The following PHACTR2 variants were observed in gnomAD, a reference collection of about 807,000 sequenced individuals.
PHACTR2 encodes the protein chromosome 6 open reading frame 56.
PHACTR2 carries 30 observed loss-of-function variants against 76.0 expected under a neutral mutation model. That is an observed-to-expected ratio of 0.39 (90% CI 0.30 to 0.54). PHACTR2 has a LOEUF of 0.54. PHACTR2 is among the 20% of genes least tolerant of loss of function. PHACTR2 has a pLI of 0.61. For missense variants in PHACTR2, 696 were observed against 781.1 expected, an observed-to-expected ratio of 0.89 and a Z score of 1.30; for synonymous variants, 292 against 292.5, an observed-to-expected ratio of 1.00 and a Z score of 0.02.
At position 143,537,323 on chromosome 6, in the gene PHACTR2, G is replaced by T. The variant is rs1176482927; in HGVS notation, c.217+116G>T. 2.5e-5 allele frequency: 4 copies of T among 161,994 alleles called. No homozygotes were observed. Among genetic ancestry groups the T allele is most frequent in the Admixed American group, 6.4e-5 (1 of 15,652 alleles). The allele number at this position is 161,994 out of a possible 1,614,324, so 10.0% of individuals were successfully genotyped here. A position where few individuals can be genotyped will look rare whatever the true frequency, so the allele number is the denominator to read the frequency against. ...ACTGGCCCGGCAGGCTGGCGGCGGG[G>T]TGGGGGTGGGGGACAGGGGAGGGCG... On this transcript the variant is annotated intron_variant, in intron 1 of 11. Coordinates refer to the PHACTR2 transcript ENST00000367584. The surrounding 1 kb of genome is among the most constrained non-coding windows in gnomAD (Gnocchi z 4.4).
At chr6:143,737,932 T>G (rs999933972) in intron 2 of PHACTR2, among the ~76,000 whole-genome samples, 1 of 152,126 alleles carries the variant, frequency 6.6e-6, no homozygotes, top group Non-Finnish European at 1.5e-5. Flanking sequence ...AAAATAAACT[T>G]TTTAATCATC....
In PHACTR2 at chr6:143,554,533, C is replaced by T. The variant is rs777389193; in HGVS notation, c.217+17326C>T. 9.2e-5 allele frequency: 14 copies of T among 152,264 alleles called. No individual in the cohort carries two copies. The highest frequency in any genetic ancestry group is 4.6e-4 in the Admixed American group (7 of 15,280). The allele number at this position is 152,264 out of a possible 1,614,324, so 9.4% of individuals were successfully genotyped here. On this transcript the variant is annotated intron_variant, in intron 1 of 11. Transcript: ENST00000367584. The surrounding 1 kb of genome is among the most constrained non-coding windows in gnomAD (Gnocchi z 5.9). Reference sequence around the variant, plus strand: ...TGGATGGAAAATTACTAAAAGGAAACGTCAGCGTTAGAGCAGTCTTGCTGA... The same window carrying T: ...TGGATGGAAAATTACTAAAAGGAAATGTCAGCGTTAGAGCAGTCTTGCTGA...
Position 143,538,379 on chromosome 6 carries a change from G to A in PHACTR2, c.217+1172G>A, listed in dbSNP as rs566690522. Among the ~76,000 whole-genome samples the A allele has an allele frequency of 5.9e-5, 9 of 152,362 alleles. No individual in the cohort carries two copies. The South Asian group carries it at 1.2e-3, about 21-fold the overall frequency. ...TCATTTTAAACTGCTTTTGAACAAA[G>A]CATTAGCCTAAGAATTGTAGGACTG... On this transcript the variant is annotated intron_variant, in intron 1 of 11. Transcript: ENST00000367584.
intron 11 of PHACTR2, among the ~76,000 whole-genome samples, chr6:143,799,995 A>G (rs552810830): frequency 5.9e-5 from 9 of 152,156 alleles, no homozygotes; most frequent in Non-Finnish European, 1.3e-4. Context: ...AAAGTCTCCC[A>G]TTATTATTGT....
At chr6:143,804,739 A>G (rs1776029047) in intron 11 of PHACTR2, among the ~76,000 whole-genome samples, 1 of 152,194 alleles carries the variant, frequency 6.6e-6, no homozygotes. Flanking sequence ...TAGCCAACCT[A>G]CTATTGCAAA....
In PHACTR2 at chr6:143,621,448, C is replaced by T. The variant is rs1297788330; in HGVS notation, c.13+13126C>T. 6.6e-6 allele frequency among the ~76,000 whole-genome samples: 1 copy of T among 152,210 alleles called. No individual in the cohort carries two copies. The highest frequency in any genetic ancestry group is 1.5e-5 in the Non-Finnish European group (1 of 68,036). On this transcript the variant is annotated intron_variant, in intron 1 of 11. Coordinates refer to the PHACTR2 transcript ENST00000305766. The surrounding 1 kb of genome is among the most constrained non-coding windows in gnomAD (Gnocchi z 4.1). ...ACAGGACTTGGGAAGCCAGCAGCTACAAGGAAGCTCACCTGTCAAGCACCA... is the reference window on the plus strand; with the variant it reads ...ACAGGACTTGGGAAGCCAGCAGCTATAAGGAAGCTCACCTGTCAAGCACCA...
chr6:143,821,585 T>G lies in PHACTR2; in HGVS notation c.1923-2089T>G, dbSNP rs184897585. 4.6e-5 allele frequency among the ~76,000 whole-genome samples: 7 copies of G among 152,300 alleles called. No homozygotes were observed. The East Asian group carries it at 9.6e-4, about 21-fold the overall frequency. ...GCAATAACTGGCATAAGCCAAAGGT[T>G]ATGGGAACACAGGAAAGAGAGCAAT... On this transcript the variant is annotated intron_variant, in intron 12 of 12. Transcript: ENST00000440869. The surrounding 1 kb of genome is among the most constrained non-coding windows in gnomAD (Gnocchi z 5.2).
At chr6:143,657,828 A>G (rs949269397) in intron 1 of PHACTR2, among the ~76,000 whole-genome samples, 2 of 152,142 alleles carry the variant, frequency 1.3e-5, no homozygotes, top group Non-Finnish European at 2.9e-5. Flanking sequence ...TTCTACAGGA[A>G]GGTGGTATCT....
At chr6:143,670,700 T>C (rs1337287779) in intron 1 of PHACTR2, among the ~76,000 whole-genome samples, 1 of 152,152 alleles carries the variant, frequency 6.6e-6, no homozygotes, top group African/African-American at 2.4e-5. Flanking sequence ...CATCAGGTCA[T>C]TTATGTTCTT....
chr6:143,757,077 T>C lies in PHACTR2; in HGVS notation c.454+3165T>C, dbSNP rs1392187387. 6.6e-6 allele frequency among the ~76,000 whole-genome samples: 1 copy of C among 152,064 alleles called. No individual in the cohort carries two copies. Among genetic ancestry groups the C allele is most frequent in the African/African-American group, 2.4e-5 (1 of 41,434 alleles). On this transcript the variant is annotated intron_variant, in intron 4 of 12. Coordinates refer to ENST00000440869, the MANE Select transcript of PHACTR2 (RefSeq NM_001100164.2). This position sits in a 1 kb window ranked among gnomAD's most constrained non-coding sequence, Gnocchi z 4.2. Reference sequence around the variant, plus strand: ...ATAATAATAATTTTAAATAATAAGATTTTATAAGAATTCTAAGAAATCTTG... The same window carrying C: ...ATAATAATAATTTTAAATAATAAGACTTTATAAGAATTCTAAGAAATCTTG...
rs938611084 is a variant in PHACTR2, at chr6:143,787,358, G to C, written c.1708-1415G>C. On this transcript the variant is annotated intron_variant, in intron 10 of 12. Coordinates refer to ENST00000440869, the MANE Select transcript of PHACTR2 (RefSeq NM_001100164.2). This position sits in a 1 kb window ranked among gnomAD's most constrained non-coding sequence, Gnocchi z 4.6. Reference sequence around the variant, plus strand: ...GCCCCAAAGTGGCAGCAAGAAGCTAGCAATATAGATTGGACAGCAACTAGA... The same window carrying C: ...GCCCCAAAGTGGCAGCAAGAAGCTACCAATATAGATTGGACAGCAACTAGA... Among the ~76,000 whole-genome samples the C allele has an allele frequency of 6.6e-6, 1 of 152,200 alleles. No individual in the cohort carries two copies. The highest frequency in any genetic ancestry group is 2.4e-5 in the African/African-American group (1 of 41,452).
At chr6:143,768,479 G>C (rs1775005553) in intron 6 of PHACTR2, among the ~76,000 whole-genome samples, 1 of 152,142 alleles carries the variant, frequency 6.6e-6, no homozygotes, top group Non-Finnish European at 1.5e-5. Context: ...CGGGATTATT[G>C]TTCAATATAC....
In PHACTR2 at chr6:143,699,480, G is replaced by A. The variant is rs80303854; in HGVS notation, c.47-12536G>A. ...TGCTCCTAAATGTAATCATTCTCTA[G>A]GAGTTTACCCCTGGTCCTCAACAGC... On this transcript the variant is annotated intron_variant, in intron 1 of 12. Coordinates refer to ENST00000440869, the MANE Select transcript of PHACTR2 (RefSeq NM_001100164.2). Among the ~76,000 whole-genome samples, 189 of 152,198 alleles carry A rather than the reference G, an allele frequency of 1.2e-3. 1 individual carries two copies. Among genetic ancestry groups the A allele is most frequent in the African/African-American group, 4.2e-3 (174 of 41,512 alleles).
In PHACTR2 at chr6:143,562,387, C is replaced by T. The variant is rs1361647480; in HGVS notation, c.217+25180C>T. The stretch of plus-strand genomic sequence containing the variant: ...TCACATGGCCAGAGCAGGAGCAAGA[C>T]AGCCAGAGACTGGGTTGGAGGTGCC... On this transcript the variant is annotated intron_variant, in intron 1 of 11. Coordinates refer to the PHACTR2 transcript ENST00000367584. The surrounding 1 kb of genome is among the most constrained non-coding windows in gnomAD (Gnocchi z 5.1). 6.6e-6 allele frequency among the ~76,000 whole-genome samples: 1 copy of T among 152,138 alleles called. No homozygotes were observed. Among genetic ancestry groups the T allele is most frequent in the Non-Finnish European group, 1.5e-5 (1 of 68,036 alleles).
intron 1 of PHACTR2, among the ~76,000 whole-genome samples, chr6:143,574,366 C>T (rs191620304): frequency 1.1e-4 from 16 of 152,320 alleles, no homozygotes; most frequent in Non-Finnish European, 2.2e-4. Context: ...TTCATTTACA[C>T]TCAAGGCTAA....
At position 143,739,762 on chromosome 6, in the gene PHACTR2, A is replaced by G. The variant is rs1426405605; in HGVS notation, c.215-9223A>G. Reference sequence around the variant, plus strand: ...AATCTTGGACCTTTATTCCTTCGGAATTAGAACCATAGGTCCCCATGGGCT... The same window carrying G: ...AATCTTGGACCTTTATTCCTTCGGAGTTAGAACCATAGGTCCCCATGGGCT... On this transcript the variant is annotated intron_variant, in intron 2 of 12. Transcript: ENST00000440869. This position sits in a 1 kb window ranked among gnomAD's most constrained non-coding sequence, Gnocchi z 4.3. Among the ~76,000 whole-genome samples, 2 of 152,192 alleles carry G rather than the reference A, an allele frequency of 1.3e-5. No individual in the cohort carries two copies.
At chr6:143,551,148 A>G (rs1389075223) in intron 1 of PHACTR2, among the ~76,000 whole-genome samples, 1 of 152,076 alleles carries the variant, frequency 6.6e-6, no homozygotes, top group African/African-American at 2.4e-5. Flanking sequence ...TGAAAAGACA[A>G]GAGTAGAAGA....
At chr6:143,682,841 C>T (rs1200891148) in intron 1 of PHACTR2, among the ~76,000 whole-genome samples, 1 of 151,502 alleles carries the variant, frequency 6.6e-6, no homozygotes, top group Non-Finnish European at 1.5e-5. Flanking sequence ...TTCATAGGTT[C>T]ACTTTGTCAA....
At chr6:143,568,704 T>C (rs933578895) in intron 1 of PHACTR2, among the ~76,000 whole-genome samples, 1 of 152,248 alleles carries the variant, frequency 6.6e-6, no homozygotes, top group African/African-American at 2.4e-5. Flanking sequence ...ATTTTCTTAG[T>C]CTTCCCATGC....
Sources: gnomAD v4.1 joint callset for allele counts (sites outside exome capture counted in the v4.1 genomes callset) on GRCh38, gnomAD v4.1.1 for gene constraint, Gnocchi (gnomAD v3.1) non-coding constraint, MANE v1.5 for transcripts, NCBI Gene and HGNC (gene_info 2026-07-23, HGNC 2026-07-21) for gene names.